Variants in COL4A1 observed in about 807,000 individuals in gnomAD.
COL4A1 encodes the protein collagen alpha-1(IV) chain.
In COL4A1, 40 loss-of-function variants were observed where a neutral mutation model predicts 216.6. The ratio of observed to expected loss-of-function variants is 0.18; its 90% confidence interval spans 0.14 to 0.24. COL4A1 has a LOEUF of 0.24. Ranked by LOEUF, COL4A1 falls within the 10% of genes least tolerant of loss-of-function variation. The pLI, the probability that COL4A1 is intolerant of heterozygous loss-of-function variation, is 1.00. For synonymous variants in COL4A1, 839 were observed against 810.7 expected (o/e 1.03, Z -0.59); for missense variants, 1,628 against 2,196.8 (o/e 0.74, Z 5.18).
chr13:110,148,963 T>C lies in COL4A1; in HGVS notation c.*1400A>G, dbSNP rs1876382799. 1 of 152,764 alleles carries C rather than the reference T, an allele frequency of 6.5e-6. No homozygotes were observed. The highest frequency in any genetic ancestry group is 2.1e-4 in the South Asian group (1 of 4,832). The allele number at this position is 152,764 out of a possible 1,614,324, so 9.5% of individuals were successfully genotyped here. A position where few individuals can be genotyped will look rare whatever the true frequency, so the allele number is the denominator to read the frequency against. ...GAAGAAGTGCAAAATAAAAATAATCTAAGGTATGCAAAGCTTACAAATTTA... is the reference window on the plus strand; with the variant it reads ...GAAGAAGTGCAAAATAAAAATAATCCAAGGTATGCAAAGCTTACAAATTTA... On this transcript the variant is annotated 3_prime_UTR_variant, in exon 52 of 52. Coordinates refer to ENST00000375820, the MANE Select transcript of COL4A1 (RefSeq NM_001845.6).
At chr13:110,265,458 G>A (rs531246640) in intron 1 of COL4A1, 2 of 152,350 alleles carry the variant, frequency 1.3e-5, no homozygotes, top group South Asian at 2.1e-4. Context: ...CACAGCTCAG[G>A]CTGTGAACCC....
Position 110,152,491 on chromosome 13 carries a change from C to T in COL4A1, c.4771G>A (p.Ala1591Thr). ...YSFVMHTSAG[A>T]EGSGQALASP... is the part of the protein sequence containing the mutation. ...GCCAGGGCTTGGCCAGAGCCTTCTG[C>T]ACCAGCGCTGGTGTGCTGCAGAACA... Residue 1591 changes from alanine to threonine, a missense_variant, in exon 51 of 52, where the codon GCA becomes ACA. Ala to Thr is a moderately conservative substitution (Grantham distance 58). This residue lies in a region of COL4A1 where 254 missense variants were observed against 300.1 expected (regional missense o/e 0.85). Transcript: ENST00000375820. 6.2e-7 allele frequency: 1 copy of T among 1,612,582 alleles called. No individual in the cohort carries two copies. Among genetic ancestry groups the T allele is most frequent in the South Asian group, 1.1e-5 (1 of 90,944 alleles).
At chr13:110,186,301 C>T in intron 26 of COL4A1, 84 bp downstream of exon 26, 1 of 1,570,534 alleles carries the variant, frequency 6.4e-7, no homozygotes, top group Non-Finnish European at 8.7e-7. Flanking sequence ...CTATGCGAAC[C>T]CCAGGCCTCT....
intron 2 of COL4A1, among the ~76,000 whole-genome samples, chr13:110,236,486 C>CT (rs1421848589): frequency 6.6e-6 from 1 of 152,196 alleles, no homozygotes; most frequent in Non-Finnish European, 1.5e-5. Flanking sequence ...GACACAATCC[C>CT]TCTCCAGCTC....
Position 110,172,034 on chromosome 13 carries a change from C to T in COL4A1, c.3556+686G>A, listed in dbSNP as rs917127985. Among the ~76,000 whole-genome samples the T allele has an allele frequency of 2.0e-5, 3 of 152,370 alleles. No individual in the cohort carries two copies. The East Asian group carries it at 5.8e-4, about 29-fold the overall frequency. ...GAGAAACAACACCTCCGTGCCCCTG[C>T]TCCTTCTCAGCTGAAGTCCAAGGCC... On this transcript the variant is annotated intron_variant, in intron 41 of 51. Transcript: ENST00000375820.
intron 51 of COL4A1, 53 bp downstream of exon 51, chr13:110,152,281 A>G: frequency 1.2e-6 from 2 of 1,610,378 alleles, no homozygotes; most frequent in South Asian, 2.2e-5. Flanking sequence ...ATGATTAAAA[A>G]ATAAAGTCAC....
At chr13:110,300,086 T>C (rs2139322198) in intron 1 of COL4A1, among the ~76,000 whole-genome samples, 1 of 152,302 alleles carries the variant, frequency 6.6e-6, no homozygotes, top group East Asian at 1.9e-4. Context: ...TTATTAGAGA[T>C]GTAATAGCCA....
In COL4A1 at chr13:110,287,594, TG is replaced by T. The variant is rs769253247; in HGVS notation, c.84+19349del. On this transcript the variant is annotated intron_variant, in intron 1 of 51. Coordinates refer to ENST00000375820, the MANE Select transcript of COL4A1 (RefSeq NM_001845.6). Reference sequence around the variant, plus strand: ...AGGCCGGGCATCATGAGCTGTCACTTGAGCAGAATGCTCACCCTGCTGTGAG... The same window carrying T: ...AGGCCGGGCATCATGAGCTGTCACTTAGCAGAATGCTCACCCTGCTGTGAG... Among the ~76,000 whole-genome samples, 7 of 152,358 alleles carry T rather than the reference TG, an allele frequency of 4.6e-5. No individual in the cohort carries two copies. The South Asian group carries it at 6.2e-4, about 14-fold the overall frequency.
At chr13:110,271,375 GGA>G (rs1197512706) in intron 1 of COL4A1, among the ~76,000 whole-genome samples, 2 of 152,194 alleles carry the variant, frequency 1.3e-5, no homozygotes, top group Non-Finnish European at 2.9e-5. Context: ...GTAACTTCAT[GGA>G]GAGACCTGGT....
intron 1 of COL4A1, among the ~76,000 whole-genome samples, chr13:110,276,193 T>C (rs761441312): frequency 2.0e-4 from 30 of 152,284 alleles, no homozygotes; most frequent in Admixed American, 4.6e-4. Flanking sequence ...TGGTACCTTC[T>C]GTACAATTTT....
intron 1 of COL4A1, among the ~76,000 whole-genome samples, chr13:110,249,426 G>A (rs917156130): frequency 2.8e-4 from 43 of 152,258 alleles, no homozygotes; most frequent in African/African-American, 8.4e-4. Context: ...ACTGAGAAAC[G>A]ATGGGGTATA....
At chr13:110,277,002 T>C (rs1323916718) in intron 1 of COL4A1, among the ~76,000 whole-genome samples, 1 of 152,240 alleles carries the variant, frequency 6.6e-6, no homozygotes, top group Non-Finnish European at 1.5e-5. Context: ...TTTGCAGGGA[T>C]GTGCGTTTTC....
At chr13:110,177,069 T>C (rs779553208) in intron 33 of COL4A1, 32 bp from the exon 34 acceptor site, 7 of 1,611,654 alleles carry the variant, frequency 4.3e-6, no homozygotes, top group East Asian at 2.2e-5. Flanking sequence ...CTGGTGAGCC[T>C]GGGCCAGTGT....
At chr13:110,289,911 C>A (rs116827666) in intron 1 of COL4A1, among the ~76,000 whole-genome samples, 5 of 152,108 alleles carry the variant, frequency 3.3e-5, no homozygotes, top group Admixed American at 2.0e-4. Flanking sequence ...TGAGGGTCAG[C>A]GCTTCACCCA....
Position 110,155,331 on chromosome 13 carries a change from C to T in COL4A1, c.4707G>A (p.Pro1569=), listed in dbSNP as rs764244883. Residue 1569 remains proline (P), a synonymous_variant, in exon 50 of 52, where the codon CCG becomes CCA. Coordinates refer to ENST00000375820, the MANE Select transcript of COL4A1 (RefSeq NM_001845.6). Reference sequence around the variant, plus strand: ...ACAGCGAGGACCACCCGCTGGGGCACGGTGGGATCTGAATGGTCTGGCTGT... The same window carrying T: ...ACAGCGAGGACCACCCGCTGGGGCATGGTGGGATCTGAATGGTCTGGCTGT... The part of the protein sequence containing the change: ...AVHSQTIQIP[P]CPSGWSSLWI... The T allele has an allele frequency of 7.4e-6, 12 of 1,614,066 alleles. No homozygotes were observed. The highest frequency in any genetic ancestry group is 6.7e-5 in the East Asian group (3 of 44,892).
In COL4A1 at chr13:110,207,062, G is replaced by A. The variant is rs1879553844; in HGVS notation, c.781-171C>T. Among the ~76,000 whole-genome samples the A allele has an allele frequency of 6.6e-6, 1 of 152,002 alleles. No homozygotes were observed. Among genetic ancestry groups the A allele is most frequent in the African/African-American group, 2.4e-5 (1 of 41,364 alleles). On this transcript the variant is annotated intron_variant, in intron 13 of 51. Transcript: ENST00000375820. This position sits in a 1 kb window ranked among gnomAD's most constrained non-coding sequence, Gnocchi z 4.4. ...CATTGACTGGTATAAATGTAAGCAGGGCAGGGTTTATCATGCTTGACCCAT... is the reference window on the plus strand; with the variant it reads ...CATTGACTGGTATAAATGTAAGCAGAGCAGGGTTTATCATGCTTGACCCAT...
intron 1 of COL4A1, among the ~76,000 whole-genome samples, chr13:110,253,361 TTACATA>T (rs1261467064): frequency 8.8e-5 from 3 of 34,006 alleles, no homozygotes; most frequent in African/African-American, 1.2e-4. Context: ...ATTATATGTA[TTACATA>T]TACATATAAT....
intron 43 of COL4A1, among the ~76,000 whole-genome samples, chr13:110,169,036 C>T (rs978241681): frequency 8.0e-5 from 8 of 100,332 alleles, no homozygotes; most frequent in Non-Finnish European, 1.8e-4. Context: ...AGCAAAGAGC[C>T]AAAGTCACAC....
chr13:110,166,925 T>C (rs1299447478), intron 44 of COL4A1, among the ~76,000 whole-genome samples: 2 of 152,348 alleles, frequency 1.3e-5, no homozygotes, highest in South Asian at 4.1e-4. Context: ...CTTATTGAGA[T>C]ATTAATGATC....
Sources: allele counts gnomAD v4.1 joint callset (sites outside exome capture counted in the v4.1 genomes callset), GRCh38; gene constraint gnomAD v4.1.1; regional missense constraint gnomAD v4.1.1; non-coding constraint Gnocchi (gnomAD v3.1); transcripts MANE v1.5; gene names NCBI Gene and HGNC (gene_info 2026-07-23, HGNC 2026-07-21).